Variants in CREB5 observed in about 807,000 individuals in gnomAD.
The protein encoded by CREB5 is cyclic AMP-responsive element-binding protein 5.
Under a neutral mutation model 57.1 loss-of-function variants are expected in CREB5, and 19 were observed. The ratio of observed to expected loss-of-function variants is 0.33; its 90% CI spans 0.23 to 0.49. The LOEUF (loss-of-function observed/expected upper bound fraction) is 0.49. Ranked by LOEUF, CREB5 falls within the 20% of genes least tolerant of loss-of-function variation. The pLI, the probability that CREB5 is intolerant of heterozygous loss-of-function variation, is 0.99. For synonymous variants in CREB5, 238 were observed against 238.3 expected (o/e 1.00, Z 0.01); for missense variants, 579 against 671.6 (o/e 0.86, Z 1.52).
chr7:28,771,376 G>A (rs1806312535), intron 7 of CREB5, among the ~76,000 whole-genome samples: 2 of 152,140 alleles, frequency 1.3e-5, no homozygotes, highest in South Asian at 4.1e-4. Flanking sequence ...CCTTAGAATA[G>A]GGGGATTTTA....
At chr7:28,457,175 A>T (rs908153742) in intron 1 of CREB5, among the ~76,000 whole-genome samples, 2 of 152,178 alleles carry the variant, frequency 1.3e-5, no homozygotes, top group Non-Finnish European at 2.9e-5. Context: ...TAATTCATTC[A>T]TGAGGATGAA....
At chr7:28,506,471 G>A (rs1043020443) in intron 3 of CREB5, among the ~76,000 whole-genome samples, 1 of 152,166 alleles carries the variant, frequency 6.6e-6, no homozygotes, top group Non-Finnish European at 1.5e-5. Flanking sequence ...CTACTACAGG[G>A]TTAGGTGGGA....
chr7:28,386,367 G>A (rs1787104006), intron 1 of CREB5, among the ~76,000 whole-genome samples: 1 of 152,094 alleles, frequency 6.6e-6, no homozygotes, highest in Non-Finnish European at 1.5e-5. Flanking sequence ...TTACAGTCTG[G>A]CTTTTGTTGC....
At chr7:28,755,427 C>G (rs1476029926) in intron 7 of CREB5, among the ~76,000 whole-genome samples, 8 of 152,178 alleles carry the variant, frequency 5.3e-5, no homozygotes, top group African/African-American at 1.4e-4. Context: ...GTTGAGAAGT[C>G]AATTCCTATG....
chr7:28,449,391 T>C (rs1789672467), intron 1 of CREB5, among the ~76,000 whole-genome samples: 1 of 152,244 alleles, frequency 6.6e-6, no homozygotes, highest in Non-Finnish European at 1.5e-5. Flanking sequence ...TATTCCATTA[T>C]TGCTTTCGCT....
intron 1 of CREB5, among the ~76,000 whole-genome samples, chr7:28,346,023 G>A (rs1385746474): frequency 6.6e-6 from 1 of 152,144 alleles, no homozygotes; most frequent in Non-Finnish European, 1.5e-5. Flanking sequence ...TCCGAAGGGG[G>A]GCACCGTAGT....
At chr7:28,560,929 C>CGTGTGTGT (rs1425241012) in intron 4 of CREB5, among the ~76,000 whole-genome samples, 1 of 30,424 alleles carries the variant, frequency 3.3e-5, no homozygotes, top group Non-Finnish European at 5.9e-5. Flanking sequence ...TGTGCGCGTG[C>CGTGTGTGT]GTGTGTGCGT....
At chr7:28,524,608 CTTGAA>C (rs1164655404) in intron 4 of CREB5, among the ~76,000 whole-genome samples, 1 of 152,134 alleles carries the variant, frequency 6.6e-6, no homozygotes, top group East Asian at 1.9e-4. Flanking sequence ...TGTAGAGAAT[CTTGAA>C]TTGAAAGCAA....
chr7:28,824,846 A>G lies in CREB5; in HGVS notation c.*5567A>G, dbSNP rs1809976103. 1 of 152,662 alleles carries G rather than the reference A, an allele frequency of 6.6e-6. No homozygotes were observed. The highest frequency in any genetic ancestry group is 6.5e-5 in the Admixed American group (1 of 15,284). 9.5% of individuals were successfully genotyped at this position (152,662 alleles called of 1,614,324 possible). ...CACTTGTTAAAAGATTAATACTCTT[A>G]AGTGGCACTCTGATACCTTTCCAAC... On this transcript the variant is annotated 3_prime_UTR_variant, in exon 11 of 11. Coordinates refer to ENST00000357727, the MANE Select transcript of CREB5 (RefSeq NM_182898.4).
intron 5 of CREB5, among the ~76,000 whole-genome samples, chr7:28,682,698 C>A (rs926530215): frequency 3.3e-5 from 5 of 150,510 alleles, no homozygotes; most frequent in African/African-American, 5.0e-5. Context: ...GGGGGGGAAA[C>A]CCCAGCTCTC....
At chr7:28,735,029 C>G (rs140124745) in intron 7 of CREB5, among the ~76,000 whole-genome samples, 5 of 152,176 alleles carry the variant, frequency 3.3e-5, no homozygotes, top group Non-Finnish European at 7.3e-5. Flanking sequence ...AATTAACCAG[C>G]TTCACCACCT....
In CREB5 at chr7:28,413,357, G is replaced by A. The variant is rs1287266875; in HGVS notation, c.3+440G>A. 2.0e-5 allele frequency among the ~76,000 whole-genome samples: 3 copies of A among 151,968 alleles called. No homozygotes were observed. In the East Asian group the frequency reaches 5.8e-4, roughly 29 times the overall value. ...TCCGCATTCAAACCTAGATGTGTAT[G>A]CCCCTGAAGGATGATTCTATGGGTT... On this transcript the variant is annotated intron_variant, in intron 1 of 10. Transcript: ENST00000357727.
At chr7:28,387,279 G>A (rs1420730290) in intron 1 of CREB5, among the ~76,000 whole-genome samples, 2 of 152,120 alleles carry the variant, frequency 1.3e-5, no homozygotes, top group African/African-American at 4.8e-5. Flanking sequence ...TCTAACTGGT[G>A]TGAGATGGTA....
At chr7:28,610,308 G>A (rs1244620111) in intron 5 of CREB5, among the ~76,000 whole-genome samples, 1 of 152,116 alleles carries the variant, frequency 6.6e-6, no homozygotes, top group Non-Finnish European at 1.5e-5. Flanking sequence ...TCTGAGCTTT[G>A]GGTTTTTACA....
At chr7:28,734,951 A>T (rs943531554) in intron 7 of CREB5, among the ~76,000 whole-genome samples, 20 of 152,122 alleles carry the variant, frequency 1.3e-4, no homozygotes, top group Non-Finnish European at 1.9e-4. Flanking sequence ...TGTGGTCAGT[A>T]CCAGAATCCA....
chr7:28,700,976 AC>A (rs762875906), intron 5 of CREB5, among the ~76,000 whole-genome samples: 53 of 146,848 alleles, frequency 3.6e-4, no homozygotes, highest in Middle Eastern at 3.7e-3. Flanking sequence ...AAAAAAAAAA[AC>A]AACCCACCAA....
chr7:28,534,182 A>G (rs1369460707), intron 4 of CREB5, among the ~76,000 whole-genome samples: 2 of 152,206 alleles, frequency 1.3e-5, no homozygotes, highest in African/African-American at 4.8e-5. Context: ...TCCCTGTGCA[A>G]TTTGCTGGAG....
intron 4 of CREB5, among the ~76,000 whole-genome samples, chr7:28,546,963 C>T (rs1028962853): frequency 2.6e-5 from 4 of 152,208 alleles, no homozygotes; most frequent in African/African-American, 9.7e-5. Flanking sequence ...CAAGGAGTTA[C>T]AATTAACTAA....
intron 4 of CREB5, among the ~76,000 whole-genome samples, chr7:28,538,109 A>G (rs1295700849): frequency 1.3e-5 from 2 of 152,132 alleles, no homozygotes; most frequent in African/African-American, 4.8e-5. Context: ...GCTGGAGTGC[A>G]GTGGCGCGAT....
Sources: allele counts gnomAD v4.1 joint callset (sites outside exome capture counted in the v4.1 genomes callset), GRCh38; gene constraint gnomAD v4.1.1; transcripts MANE v1.5; gene names NCBI Gene and HGNC (gene_info 2026-07-23, HGNC 2026-07-21).